Variants in PALM2AKAP2 observed in about 807,000 individuals in gnomAD.
PALM2AKAP2 encodes the protein PALM2-AKAP2 fusion protein.
PALM2AKAP2 carries 37 observed loss-of-function variants against 71.5 expected under a neutral mutation model. The observed-to-expected ratio is 0.52, with a 90% confidence interval of 0.40 to 0.68. The LOEUF (loss-of-function observed/expected upper bound fraction) is 0.68. Among genes scored for constraint, PALM2AKAP2 ranks in the 30% least tolerant of loss-of-function variants. The pLI, the probability that PALM2AKAP2 is intolerant of heterozygous loss-of-function variation, is 0.00. For missense variants in PALM2AKAP2, 1,224 were observed against 1,191.8 expected, an observed-to-expected ratio of 1.03 and a Z score of -0.40; for synonymous variants, 468 against 478.8, an observed-to-expected ratio of 0.98 and a Z score of 0.29.
At chr9:110,090,614 TG>T (rs1834685211) in intron 1 of PALM2AKAP2, among the ~76,000 whole-genome samples, 1 of 152,206 alleles carries the variant, frequency 6.6e-6, no homozygotes. Context: ...AAAAAGCTAA[TG>T]TTGTGTTCCC....
At chr9:109,668,611 G>T (rs1489519851) in intron 1 of PALM2AKAP2, among the ~76,000 whole-genome samples, 4 of 152,150 alleles carry the variant, frequency 2.6e-5, no homozygotes, top group Non-Finnish European at 4.4e-5. Context: ...CCATTGTCTG[G>T]GGCACATAGA....
chr9:109,692,175 T>A (rs777254500), intron 1 of PALM2AKAP2, among the ~76,000 whole-genome samples: 1 of 151,458 alleles, frequency 6.6e-6, no homozygotes, highest in African/African-American at 2.4e-5. Context: ...CATAAAGTTG[T>A]GCAAAAATCA....
At chr9:110,112,006 A>G (rs1835264754) in intron 1 of PALM2AKAP2, among the ~76,000 whole-genome samples, 1 of 152,042 alleles carries the variant, frequency 6.6e-6, no homozygotes, top group South Asian at 2.1e-4. Flanking sequence ...CTGCTATTGT[A>G]GGATCCCTGC....
intron 1 of PALM2AKAP2, among the ~76,000 whole-genome samples, chr9:109,732,787 G>A (rs1488147155): frequency 6.6e-6 from 1 of 152,178 alleles, no homozygotes; most frequent in Non-Finnish European, 1.5e-5. Context: ...GCAGGGAGAA[G>A]GTCTCCCTTT....
exon 1 of PALM2AKAP2, chr9:109,780,525 G>T (rs1829425765): frequency 6.2e-7 from 1 of 1,613,576 alleles, no homozygotes; most frequent in Non-Finnish European, 8.5e-7. Context: ...AAGGCTGCAA[G>T]CCATAGCAGT....
intron 1 of PALM2AKAP2, among the ~76,000 whole-genome samples, chr9:110,085,180 T>C (rs935643285): frequency 6.6e-6 from 1 of 152,184 alleles, no homozygotes; most frequent in Non-Finnish European, 1.5e-5. Context: ...TGGTGACCCG[T>C]AGGAATTGTT....
chr9:110,158,407 T>C (rs1253360911), intron 3 of PALM2AKAP2, among the ~76,000 whole-genome samples: 3 of 152,228 alleles, frequency 2.0e-5, no homozygotes, highest in Non-Finnish European at 4.4e-5. Flanking sequence ...GAGTGTTTGC[T>C]GAACACACTC....
chr9:110,014,794 AAAAAAAAAAATGTATATATAT>A (rs1832942794), intron 6 of PALM2AKAP2, among the ~76,000 whole-genome samples: 1 of 63,642 alleles, frequency 1.6e-5, no homozygotes, highest in Admixed American at 2.3e-4. Flanking sequence ...AAAAAAAAAA[AAAAAAAAAAATGTATATATAT>A]ATATATATAT....
At chr9:109,832,476 G>A (rs1587942368) in intron 1 of PALM2AKAP2, among the ~76,000 whole-genome samples, 2 of 152,102 alleles carry the variant, frequency 1.3e-5, no homozygotes, top group Admixed American at 1.3e-4. Flanking sequence ...CTAGCTCTTT[G>A]GAACTTTTCA....
intron 1 of PALM2AKAP2, among the ~76,000 whole-genome samples, chr9:109,798,703 C>T (rs900572291): frequency 1.3e-5 from 2 of 152,232 alleles, no homozygotes; most frequent in African/African-American, 2.4e-5. Flanking sequence ...TGTTGTGTCA[C>T]TACTCCCCAT....
intron 1 of PALM2AKAP2, among the ~76,000 whole-genome samples, chr9:109,755,085 T>C (rs1270302313): frequency 6.6e-6 from 1 of 152,016 alleles, no homozygotes; most frequent in Non-Finnish European, 1.5e-5. Context: ...CATCACCTCT[T>C]AGCTGCACAA....
chr9:110,030,520 G>A (rs1166721670), intron 7 of PALM2AKAP2, among the ~76,000 whole-genome samples: 2 of 152,166 alleles, frequency 1.3e-5, no homozygotes, highest in African/African-American at 4.8e-5. Flanking sequence ...GAGAGACCTT[G>A]AGCCTTCTTC....
rs530995553 is a variant in PALM2AKAP2, at chr9:109,954,054, G to A, written c.496+22026G>A. Among the ~76,000 whole-genome samples, 8 of 152,208 alleles carry A rather than the reference G, an allele frequency of 5.3e-5. No homozygotes were observed. In the South Asian group the frequency reaches 1.7e-3, roughly 32 times the overall value. ...AGCGCTTCCTTACCAAAGGAGAAGC[G>A]GAGGGTAAAATCACTTTGTTTTCTT... On this transcript the variant is annotated intron_variant, in intron 6 of 9. Coordinates refer to the PALM2AKAP2 transcript ENST00000302798.
chr9:110,085,267 A>C (rs1834544014), intron 1 of PALM2AKAP2, among the ~76,000 whole-genome samples: 1 of 152,204 alleles, frequency 6.6e-6, no homozygotes, highest in Non-Finnish European at 1.5e-5. Flanking sequence ...AGTTAAAGAG[A>C]ATGTGTACAA....
At chr9:109,685,910 C>A (rs1222512530) in intron 1 of PALM2AKAP2, among the ~76,000 whole-genome samples, 1 of 152,080 alleles carries the variant, frequency 6.6e-6, no homozygotes, top group South Asian at 2.1e-4. Context: ...TCTTCTCAAA[C>A]CCTGCCTTGT....
At chr9:109,942,821 T>C (rs1472065699) in intron 6 of PALM2AKAP2, 1 of 1,613,890 alleles carries the variant, frequency 6.2e-7, no homozygotes, top group African/African-American at 1.3e-5. Context: ...ACCAAAGTAG[T>C]GTATGAGGTG....
intron 1 of PALM2AKAP2, among the ~76,000 whole-genome samples, chr9:109,799,761 T>C (rs935165530): frequency 3.3e-5 from 5 of 152,178 alleles, no homozygotes; most frequent in African/African-American, 4.8e-5. Flanking sequence ...TCCCAAAGTG[T>C]TGGGATTACA....
chr9:110,094,343 C>T (rs956331290), intron 1 of PALM2AKAP2, among the ~76,000 whole-genome samples: 3 of 152,194 alleles, frequency 2.0e-5, no homozygotes, highest in African/African-American at 7.2e-5. Flanking sequence ...AGGCCGTACT[C>T]GTCTTTGCGC....
At chr9:109,904,503 G>C (rs989114248) in intron 3 of PALM2AKAP2, among the ~76,000 whole-genome samples, 9 of 152,096 alleles carry the variant, frequency 5.9e-5, no homozygotes, top group African/African-American at 2.2e-4. Flanking sequence ...CATTGCCTCT[G>C]CATGAGACGT....
Sources: allele counts gnomAD v4.1 joint callset (sites outside exome capture counted in the v4.1 genomes callset), GRCh38; gene constraint gnomAD v4.1.1; transcripts MANE v1.5; gene names NCBI Gene and HGNC (gene_info 2026-07-23, HGNC 2026-07-21).